The following UTRN variants were observed in gnomAD, a reference collection of about 807,000 sequenced individuals.
The protein encoded by UTRN is utrophin, also known as dystrophin-related protein 1.
In UTRN, 283 loss-of-function variants were observed where a neutral mutation model predicts 463.9. The ratio of observed to expected loss-of-function variants is 0.61; its 90% confidence interval spans 0.55 to 0.67. The LOEUF (loss-of-function observed/expected upper bound fraction) is 0.67. Ranked by LOEUF, UTRN falls within the 30% of genes least tolerant of loss-of-function variation. The pLI is 0.00. For synonymous variants in UTRN, 1,442 were observed against 1,431.5 expected, an observed-to-expected ratio of 1.01 and a Z score of -0.17; for missense variants, 3,922 against 4,084.3, an observed-to-expected ratio of 0.96 and a Z score of 1.08.
intron 53 of UTRN, chr6:144,706,901 G>A (rs1386860825): frequency 6.6e-6 from 1 of 152,100 alleles, no homozygotes; most frequent in Admixed American, 6.6e-5. Context: ...ATGATAGACA[G>A]AGTGAAATTA....
chr6:144,294,827 C>T (rs761621934), intron 2 of UTRN, among the ~76,000 whole-genome samples: 3 of 152,054 alleles, frequency 2.0e-5, no homozygotes, highest in Middle Eastern at 6.3e-3. Flanking sequence ...AAAGCCATTT[C>T]TACCATCTAA....
chr6:144,718,833 A>G (rs938774621), intron 53 of UTRN, among the ~76,000 whole-genome samples: 1 of 152,224 alleles, frequency 6.6e-6, no homozygotes, highest in African/African-American at 2.4e-5. Flanking sequence ...CAAAGAGGCC[A>G]TGGTGAGGGA....
intron 17 of UTRN, among the ~76,000 whole-genome samples, chr6:144,449,041 C>T (rs1033651126): frequency 6.6e-6 from 1 of 152,060 alleles, no homozygotes; most frequent in Non-Finnish European, 1.5e-5. Context: ...TCTTCCTTTC[C>T]CATTATTCTC....
chr6:144,789,351 T>G (rs780959041), intron 62 of UTRN, 72 bp downstream of exon 62: 2 of 1,273,726 alleles, frequency 1.6e-6, no homozygotes, highest in African/African-American at 1.5e-5. Flanking sequence ...ATTGGAAACT[T>G]AAATTATATA....
chr6:144,514,531 AATCTCTTACTGGGG>A, intron 36 of UTRN, 105 bp from the exon 37 acceptor site: 1 of 1,070,666 alleles, frequency 9.3e-7, no homozygotes, highest in Non-Finnish European at 1.4e-6. Context: ...ATTATGCTGA[AATCTCTTACTGGGG>A]ATCCCAGATA....
chr6:144,436,860 TA>T (rs1188825417), intron 10 of UTRN, among the ~76,000 whole-genome samples: 1 of 142,990 alleles, frequency 7.0e-6, no homozygotes, highest in African/African-American at 2.5e-5. Context: ...AATATATAAA[TA>T]AATATATATA....
At chr6:144,353,505 G>A (rs1376373105) in intron 2 of UTRN, among the ~76,000 whole-genome samples, 1 of 150,484 alleles carries the variant, frequency 6.6e-6, no homozygotes, top group South Asian at 2.1e-4. Context: ...TAATCCTTCT[G>A]CCTTGGCCTC....
chr6:144,826,988 G>C (rs908041167), intron 66 of UTRN, among the ~76,000 whole-genome samples: 1 of 152,066 alleles, frequency 6.6e-6, no homozygotes, highest in Admixed American at 6.6e-5. Context: ...ACAAAAATAT[G>C]ATTGCATCCC....
chr6:144,529,251 C>G (rs939927879), intron 41 of UTRN, among the ~76,000 whole-genome samples: 9 of 152,236 alleles, frequency 5.9e-5, no homozygotes, highest in African/African-American at 2.2e-4. Context: ...CCCCAGGTGA[C>G]AAGTCTCCCA....
At chr6:144,338,740 C>G (rs1163107394) in intron 2 of UTRN, among the ~76,000 whole-genome samples, 1 of 152,030 alleles carries the variant, frequency 6.6e-6, no homozygotes, top group African/African-American at 2.4e-5. Flanking sequence ...TGAGGGTGGG[C>G]GGGAGATGGA....
intron 2 of UTRN, among the ~76,000 whole-genome samples, chr6:144,365,802 A>G (rs9496947): frequency 0.079 from 12,088 of 152,144 alleles, 1,602 homozygotes; most frequent in African/African-American, 0.27. Context: ...CAGTGGCGTG[A>G]TCTCGGCTCA....
chr6:144,591,442 C>G lies in UTRN; in HGVS notation c.7479+14154C>G, dbSNP rs888692226. ...TGCTCCTCAATTTATGAAGCCTTTT[C>G]TGGATTATAGATTAGGCTCTGAGAT... On this transcript the variant is annotated intron_variant, in intron 51 of 74. Coordinates refer to ENST00000367545, the MANE Select transcript of UTRN (RefSeq NM_007124.3). 2.0e-5 allele frequency among the ~76,000 whole-genome samples: 3 copies of G among 152,282 alleles called. No homozygotes were observed. In the East Asian group the frequency reaches 5.8e-4, roughly 29 times the overall value.
In UTRN at chr6:144,645,326, G is replaced by A. The variant is rs7742856; in HGVS notation, c.7480-33080G>A. ...TTTGTTTATTCAGTTCAATAGAATT[G>A]TATCTTTTAAAATACTTATAGTCCT... On this transcript the variant is annotated intron_variant, in intron 51 of 74. Transcript: ENST00000367545. Among the ~76,000 whole-genome samples the A allele has an allele frequency of 2.2e-3, 339 of 152,216 alleles. 2 individuals carry two copies. The highest frequency in any genetic ancestry group is 8.1e-3 in the African/African-American group (335 of 41,548).
In UTRN at chr6:144,500,903, T is replaced by C. The variant is rs1585032766; in HGVS notation, c.4764+1476T>C. On this transcript the variant is annotated intron_variant, in intron 34 of 74. Transcript: ENST00000367545. ...CCTGAGAAAGAAGCGAGTATACTAG[T>C]GGGAAGTGCTGAATATAAATGATCA... Among the ~76,000 whole-genome samples the C allele has an allele frequency of 2.0e-5, 3 of 152,272 alleles. No homozygotes were observed. In the East Asian group the frequency reaches 5.8e-4, roughly 29 times the overall value.
Position 144,461,210 on chromosome 6 carries a change from A to C in UTRN, c.2721A>C (p.Gln907His), listed in dbSNP as rs775291469. 5.7e-6 allele frequency: 9 copies of C among 1,588,882 alleles called. No individual in the cohort carries two copies. The highest frequency in any genetic ancestry group is 7.7e-6 in the Non-Finnish European group (9 of 1,167,770). ...QQHLENELKG[Q>H]PGHAYLETLK... ...TTAAATAAACAGAACTGAAGGGCCA[A>C]CCTGGACATGCATATCTGGAAACAT... The change falls in exon 22 of 75, where the codon CAA (glutamine) becomes CAC (histidine). Residue 907 changes from glutamine (Q) to histidine (H), a missense_variant. This residue lies in a region of UTRN where 2,349 missense variants were observed against 2,303.8 expected (regional missense o/e 1.02). Coordinates refer to ENST00000367545, the MANE Select transcript of UTRN (RefSeq NM_007124.3).
At position 144,533,151 on chromosome 6, in the gene UTRN, A is replaced by T; in HGVS notation, c.6124A>T (p.Ile2042Phe). ...AGCACTAAACCGAACTGGGGATGGG[A>T]TTGTGCAGAAACTCTCCCAGGCAGA... ...FAALNRTGDG[I>F]VQKLSQADGS... Residue 2042 changes from isoleucine to phenylalanine, a missense_variant, in exon 43 of 75, where the codon ATT (isoleucine) becomes TTT (phenylalanine). This residue lies in a region of UTRN where 2,349 missense variants were observed against 2,303.8 expected (regional missense o/e 1.02). Coordinates refer to ENST00000367545, the MANE Select transcript of UTRN (RefSeq NM_007124.3). 1 of 1,614,106 alleles carries T rather than the reference A, an allele frequency of 6.2e-7. No individual in the cohort carries two copies. The highest frequency in any genetic ancestry group is 8.5e-7 in the Non-Finnish European group (1 of 1,179,990).
chr6:144,382,645 A>C (rs1781037646), intron 2 of UTRN, among the ~76,000 whole-genome samples: 1 of 152,220 alleles, frequency 6.6e-6, no homozygotes, highest in Non-Finnish European at 1.5e-5. Flanking sequence ...GAGAAAAATA[A>C]ATTGTTCAAG....
intron 51 of UTRN, among the ~76,000 whole-genome samples, chr6:144,642,815 G>A (rs1777904395): frequency 6.6e-6 from 1 of 152,028 alleles, no homozygotes; most frequent in Admixed American, 6.5e-5. Context: ...ATTTCCCTGG[G>A]TAGATTATAT....
intron 19 of UTRN, among the ~76,000 whole-genome samples, chr6:144,456,840 G>A (rs1788882128): frequency 6.6e-6 from 1 of 151,970 alleles, no homozygotes; most frequent in Non-Finnish European, 1.5e-5. Flanking sequence ...ATGAATCAAT[G>A]CCCATTGTGG....
Sources: gnomAD v4.1 joint callset for allele counts (sites outside exome capture counted in the v4.1 genomes callset) on GRCh38, gnomAD v4.1.1 for gene constraint, gnomAD v4.1.1 regional missense constraint, MANE v1.5 for transcripts, NCBI Gene and HGNC (gene_info 2026-07-23, HGNC 2026-07-21) for gene names.